The following SBNO1 variants were observed in gnomAD, a reference collection of about 807,000 sequenced individuals.
SBNO1 encodes strawberry notch homolog 1.
A neutral mutation model predicts 173.6 loss-of-function variants in SBNO1; 23 were observed. The ratio of observed to expected loss-of-function variants is 0.13; its 90% CI spans 0.10 to 0.19. The LOEUF (loss-of-function observed/expected upper bound fraction) is 0.19, where lower values mean the gene tolerates loss of function less well. Among genes scored for constraint, SBNO1 ranks in the 10% least tolerant of loss-of-function variants. SBNO1 has a pLI of 1.00. For synonymous variants in SBNO1, 632 were observed against 571.5 expected (o/e 1.11, Z -1.51); for missense variants, 1,238 against 1,671.2 (o/e 0.74, Z 4.52).
chr12:123,350,222 C>T (rs1873718400), intron 2 of SBNO1, 88 bp downstream of exon 2: 2 of 1,488,576 alleles, frequency 1.3e-6, no homozygotes, highest in Admixed American at 1.8e-5. Flanking sequence ...CCACTGCACC[C>T]CAGCCTGGGC....
chr12:123,341,130 G>GTA, intron 4 of SBNO1, 42 bp from the exon 5 acceptor site: 1 of 1,177,136 alleles, frequency 8.5e-7, no homozygotes, highest in South Asian at 1.4e-5. Flanking sequence ...AGAAAATTCT[G>GTA]AACTTATTTT....
At chr12:123,354,986 T>C (rs896079443) in intron 1 of SBNO1, among the ~76,000 whole-genome samples, 5 of 152,170 alleles carry the variant, frequency 3.3e-5, no homozygotes, top group African/African-American at 1.2e-4. Context: ...GTCCAGAAGT[T>C]TGAAACCAGC....
chr12:123,313,475 A>T, intron 24 of SBNO1, 145 bp downstream of exon 24: 1 of 501,280 alleles, frequency 2.0e-6, no homozygotes, highest in Non-Finnish European at 3.6e-6. Flanking sequence ...CAAGATAATT[A>T]TGTGTCCTAG....
At chr12:123,339,804 T>C (rs1872313516) in intron 5 of SBNO1, among the ~76,000 whole-genome samples, 2 of 151,844 alleles carry the variant, frequency 1.3e-5, no homozygotes, top group South Asian at 4.2e-4. Flanking sequence ...ACAACAACAA[T>C]AAAAACCTCA....
chr12:123,325,497 A>T lies in SBNO1; in HGVS notation c.1973+5T>A. ...ACAAAAACATTAAAAGAACAAAAACATTACTTGGCAGTTGAAACAAAATCA... is the reference window on the plus strand; with the variant it reads ...ACAAAAACATTAAAAGAACAAAAACTTTACTTGGCAGTTGAAACAAAATCA... On this transcript the variant is annotated splice_donor_5th_base_variant and intron_variant, in intron 15 of 31. Transcript: ENST00000602398. 1 of 1,591,602 alleles carries T rather than the reference A, an allele frequency of 6.3e-7. No individual in the cohort carries two copies. The highest frequency in any genetic ancestry group is 1.1e-5 in the South Asian group (1 of 90,228).
At chr12:123,297,794 C>A (rs192293778) in intron 31 of SBNO1, among the ~76,000 whole-genome samples, 184 bp downstream of exon 31, 1 of 152,224 alleles carries the variant, frequency 6.6e-6, no homozygotes, top group African/African-American at 2.4e-5. Flanking sequence ...TCAACCAGAA[C>A]CAACAATGTC....
intron 4 of SBNO1, among the ~76,000 whole-genome samples, chr12:123,343,363 G>C (rs1002268366): frequency 5.9e-5 from 9 of 152,288 alleles, no homozygotes; most frequent in Admixed American, 1.3e-4. Context: ...TTTAAGACCA[G>C]AGAAATTGTG....
intron 30 of SBNO1, 71 bp downstream of exon 30, chr12:123,302,753 T>C: frequency 1.1e-6 from 1 of 921,878 alleles, no homozygotes; most frequent in East Asian, 2.4e-5. Context: ...GACATACTGA[T>C]AAAGAGTGAA....
At chr12:123,358,754 AAAAAAAAAAAAAAG>A (rs1278040260) in intron 1 of SBNO1, among the ~76,000 whole-genome samples, 4 of 141,744 alleles carry the variant, frequency 2.8e-5, no homozygotes, top group Admixed American at 7.2e-5. Flanking sequence ...AAAAAAAAAA[AAAAAAAAAAAAAAG>A]AAGAAGAAAA....
intron 1 of SBNO1, among the ~76,000 whole-genome samples, chr12:123,355,588 A>C (rs1278111191): frequency 6.6e-6 from 1 of 151,920 alleles, no homozygotes; most frequent in Non-Finnish European, 1.5e-5. Context: ...TGGGCGACAG[A>C]CCGAGACTCC....
intron 28 of SBNO1, among the ~76,000 whole-genome samples, chr12:123,305,019 A>G (rs1472941580): frequency 6.6e-6 from 1 of 152,162 alleles, no homozygotes; most frequent in Non-Finnish European, 1.5e-5. Flanking sequence ...TGCTTCTTTT[A>G]TTTCCTGTAC....
At chr12:123,326,814 A>C (rs7970080) in intron 13 of SBNO1, among the ~76,000 whole-genome samples, 144,844 of 152,080 alleles carry the variant, frequency 0.95, 69,105 homozygotes, top group Non-Finnish European at 0.96. Flanking sequence ...GCAGTCCCTG[A>C]TACTCAGGAG....
chr12:123,332,176 T>C (rs1160571069), intron 7 of SBNO1, among the ~76,000 whole-genome samples: 3 of 152,182 alleles, frequency 2.0e-5, no homozygotes. Flanking sequence ...ACATATTTAC[T>C]GTATATTATC....
At chr12:123,320,284 T>C in intron 19 of SBNO1, 148 bp downstream of exon 19, 1 of 816,370 alleles carries the variant, frequency 1.2e-6, no homozygotes, top group Middle Eastern at 2.3e-4. Flanking sequence ...CAGGCAGCAG[T>C]TCATTGGATG....
chr12:123,317,844 C>T (rs1869466558), intron 20 of SBNO1, among the ~76,000 whole-genome samples: 1 of 152,170 alleles, frequency 6.6e-6, no homozygotes, highest in African/African-American at 2.4e-5. Flanking sequence ...ATTTAACAAC[C>T]AAAACTAATT....
chr12:123,364,515 G>A (rs1875878424), intron 1 of SBNO1, 186 bp downstream of exon 1: 1 of 983,858 alleles, frequency 1.0e-6, no homozygotes, highest in Non-Finnish European at 1.2e-6. Flanking sequence ...GCCGCCGTCG[G>A]GAACATGCCC....
intron 12 of SBNO1, 38 bp downstream of exon 12, chr12:123,327,669 T>A (rs148058595): frequency 6.3e-7 from 1 of 1,578,388 alleles, no homozygotes; most frequent in Non-Finnish European, 8.7e-7. Flanking sequence ...ACTTCTTAGA[T>A]TGCTACTGAG....
rs1482235948 is a variant in SBNO1 at position 123,303,540 on chromosome 12, T to C, written c.3769-640A>G. Among the ~76,000 whole-genome samples, 4 of 152,072 alleles carry C rather than the reference T, an allele frequency of 2.6e-5. No individual in the cohort carries two copies. The East Asian group carries it at 5.8e-4, about 22-fold the overall frequency. ...GGCACATGCCTATAATCCCAGCTAC[T>C]TGGGAAGCTGAGGCATGAGAATCAC... On this transcript the variant is annotated intron_variant, in intron 29 of 31. Transcript: ENST00000602398.
chr12:123,307,428 T>C (rs929318097), intron 28 of SBNO1, among the ~76,000 whole-genome samples: 1 of 152,084 alleles, frequency 6.6e-6, no homozygotes, highest in Admixed American at 6.6e-5. Context: ...TACAAAACCA[T>C]ACATATCAGA....
Sources: gnomAD v4.1 joint callset for allele counts (sites outside exome capture counted in the v4.1 genomes callset) on GRCh38, gnomAD v4.1.1 for gene constraint, MANE v1.5 for transcripts, NCBI Gene and HGNC (gene_info 2026-07-23, HGNC 2026-07-21) for gene names.